Variants in FAM163B observed in about 807,000 individuals in gnomAD.
FAM163B encodes the protein family with sequence similarity 163 member B.
In FAM163B, 4 loss-of-function variants were observed where a neutral mutation model predicts 7.6. The observed-to-expected ratio is 0.52, with a 90% CI of 0.26 to 1.20. The LOEUF (loss-of-function observed/expected upper bound fraction) is 1.20. FAM163B is among the 50% of genes most tolerant of loss of function. The probability of loss-of-function intolerance (pLI) is 0.14; values close to 1 mark genes in which losing one functional copy is unlikely to be tolerated. For missense variants in FAM163B, 250 were observed against 243.0 expected, an observed-to-expected ratio of 1.03 and a Z score of -0.19; for synonymous variants, 120 against 111.6, an observed-to-expected ratio of 1.07 and a Z score of -0.47.
intron 1 of FAM163B, among the ~76,000 whole-genome samples, chr9:133,607,399 G>A (rs1192446216): frequency 6.6e-6 from 1 of 152,212 alleles, no homozygotes; most frequent in African/African-American, 2.4e-5. Context: ...TCAAGGGTAG[G>A]AGGAGCTCTG....
intron 1 of FAM163B, among the ~76,000 whole-genome samples, chr9:133,597,279 A>G (rs7045979): frequency 0.78 from 118,579 of 152,196 alleles, 46,881 homozygotes; most frequent in African/African-American, 0.91. Context: ...AAGTAGAGAC[A>G]TAGAAGATAG....
chr9:133,597,438 TAGAG>T (rs768933970), intron 1 of FAM163B, among the ~76,000 whole-genome samples: 7 of 151,800 alleles, frequency 4.6e-5, no homozygotes, highest in Non-Finnish European at 1.0e-4. Flanking sequence ...CAAAGTGAAA[TAGAG>T]AGAAAAACAT....
chr9:133,583,533 C>T (rs1303972182), intron 1 of FAM163B, among the ~76,000 whole-genome samples: 1 of 152,226 alleles, frequency 6.6e-6, no homozygotes, highest in Non-Finnish European at 1.5e-5. Flanking sequence ...AGCAGCTGCA[C>T]CATGCTCAGT....
At chr9:133,604,315 T>A (rs549948438) in intron 1 of FAM163B, among the ~76,000 whole-genome samples, 140 of 152,024 alleles carry the variant, frequency 9.2e-4, no homozygotes, top group African/African-American at 3.1e-3. Context: ...CAGACTAGGG[T>A]GTCGACATGC....
chr9:133,593,655 T>C (rs1299444470), intron 1 of FAM163B, among the ~76,000 whole-genome samples: 1 of 152,238 alleles, frequency 6.6e-6, no homozygotes, highest in Non-Finnish European at 1.5e-5. Context: ...AGGAGAATTA[T>C]GACAATCTCC....
At chr9:133,587,905 C>A (rs1322287438) in intron 1 of FAM163B, among the ~76,000 whole-genome samples, 1 of 149,576 alleles carries the variant, frequency 6.7e-6, no homozygotes, top group Non-Finnish European at 1.5e-5. Context: ...CTGGGAGCCC[C>A]TGGAGCAGAT....
intron 1 of FAM163B, among the ~76,000 whole-genome samples, chr9:133,608,476 AT>A (rs1831816335): frequency 6.6e-6 from 1 of 152,138 alleles, no homozygotes; most frequent in African/African-American, 2.4e-5. Flanking sequence ...TGAAGCAGAG[AT>A]TCCTAACAGA....
chr9:133,598,356 G>A (rs1266197935), intron 1 of FAM163B, among the ~76,000 whole-genome samples: 3 of 151,428 alleles, frequency 2.0e-5, no homozygotes, highest in Admixed American at 6.6e-5. Flanking sequence ...ACCCTGAACC[G>A]TATGCATCCT....
In FAM163B at chr9:133,577,327, G is replaced by A. The variant is rs376858103; in HGVS notation, c.*1695C>T. Among the ~76,000 whole-genome samples, 201 of 142,080 alleles carry A rather than the reference G, an allele frequency of 1.4e-3. No individual in the cohort carries two copies. The highest frequency in any genetic ancestry group is 4.2e-3 in the African/African-American group (167 of 39,444). 93.2% of individuals were successfully genotyped at this position (142,080 alleles called of 152,430 possible). On this transcript the variant is annotated 3_prime_UTR_variant, in exon 3 of 3. Transcript: ENST00000673969. ...AACGCATCAGAAACAGACTTCACAG[G>A]ATGCACAGAGGAAGCCAGAGGTGTG...
At chr9:133,594,074 T>G (rs1831595190) in intron 1 of FAM163B, among the ~76,000 whole-genome samples, 1 of 152,246 alleles carries the variant, frequency 6.6e-6, no homozygotes, top group African/African-American at 2.4e-5. Flanking sequence ...CAATTATGTT[T>G]TAACGAGACA....
intron 2 of FAM163B, among the ~76,000 whole-genome samples, chr9:133,579,718 C>T (rs1312105004): frequency 6.6e-6 from 1 of 152,222 alleles, no homozygotes; most frequent in Non-Finnish European, 1.5e-5. Context: ...GAGGGGTTCG[C>T]AGCCCCACAT....
rs1831722806 is a variant in FAM163B, at chr9:133,601,027, G to C, written c.-24+8050C>G. Reference sequence around the variant, plus strand: ...AAGTACCAGCCATGAGGACCCCTGGGAGGGCCCTACCCGCCTGCAAGCTCT... The same window carrying C: ...AAGTACCAGCCATGAGGACCCCTGGCAGGGCCCTACCCGCCTGCAAGCTCT... On this transcript the variant is annotated intron_variant, in intron 1 of 2. Transcript: ENST00000673969. The surrounding 1 kb of genome is among the most constrained non-coding windows in gnomAD (Gnocchi z 4.1). Among the ~76,000 whole-genome samples, 1 of 152,122 alleles carries C rather than the reference G, an allele frequency of 6.6e-6. No homozygotes were observed. The highest frequency in any genetic ancestry group is 1.9e-4 in the East Asian group (1 of 5,182).
At chr9:133,593,534 A>T (rs1025151888) in intron 1 of FAM163B, among the ~76,000 whole-genome samples, 4 of 151,986 alleles carry the variant, frequency 2.6e-5, no homozygotes, top group African/African-American at 9.7e-5. Flanking sequence ...AGCCCCGGAC[A>T]CCTCTGATGC....
intron 1 of FAM163B, 76 bp from the exon 2 acceptor site, chr9:133,580,322 G>A (rs2131212741): frequency 8.5e-7 from 1 of 1,179,910 alleles, no homozygotes; most frequent in East Asian, 2.5e-5. Context: ...CTAGAGAACT[G>A]AGAAGACAAG....
intron 1 of FAM163B, among the ~76,000 whole-genome samples, chr9:133,589,022 G>A (rs1251461794): frequency 6.6e-6 from 1 of 152,126 alleles, no homozygotes; most frequent in East Asian, 1.9e-4. Context: ...CCCTACAACT[G>A]TTGACATTGA....
chr9:133,585,061 C>A (rs1054433674), intron 1 of FAM163B, among the ~76,000 whole-genome samples: 2 of 152,266 alleles, frequency 1.3e-5, no homozygotes, highest in African/African-American at 4.8e-5. Flanking sequence ...GTGCGTCCCC[C>A]ACCCCAGTCC....
At chr9:133,589,092 C>T (rs1392113045) in intron 1 of FAM163B, among the ~76,000 whole-genome samples, 3 of 152,312 alleles carry the variant, frequency 2.0e-5, no homozygotes, top group East Asian at 1.9e-4. Context: ...GCAATACCCC[C>T]GGAAAATACC....
At chr9:133,602,806 C>T (rs1351676085) in intron 1 of FAM163B, among the ~76,000 whole-genome samples, 4 of 152,216 alleles carry the variant, frequency 2.6e-5, no homozygotes, top group Non-Finnish European at 5.9e-5. Flanking sequence ...GACAATGTTG[C>T]AGAGAAGCTG....
chr9:133,585,195 G>A (rs923144229), intron 1 of FAM163B, among the ~76,000 whole-genome samples: 4 of 152,190 alleles, frequency 2.6e-5, no homozygotes, highest in African/African-American at 7.2e-5. Context: ...CTGCGGCACC[G>A]GCACCGAGGA....
Sources: gnomAD v4.1 joint callset for allele counts (sites outside exome capture counted in the v4.1 genomes callset) on GRCh38, gnomAD v4.1.1 for gene constraint, Gnocchi (gnomAD v3.1) non-coding constraint, MANE v1.5 for transcripts, NCBI Gene and HGNC (gene_info 2026-07-23, HGNC 2026-07-21) for gene names.